RFX7: variants seen among roughly 807,000 people sequenced by gnomAD.
RFX7 encodes the protein regulatory factor X7.
RFX7 carries 26 observed loss-of-function variants against 111.8 expected under a neutral mutation model. The observed-to-expected ratio is 0.23, with a 90% CI of 0.17 to 0.32. The LOEUF is 0.32. Among genes scored for constraint, RFX7 ranks in the 10% least tolerant of loss-of-function variants. RFX7 has a pLI of 1.00. For missense variants in RFX7, 1,573 were observed against 1,772.9 expected, an observed-to-expected ratio of 0.89 and a Z score of 2.02; for synonymous variants, 624 against 624.4, an observed-to-expected ratio of 1.00 and a Z score of 0.01.
At chr15:56,131,439 TG>T (rs1198866913) in intron 5 of RFX7, among the ~76,000 whole-genome samples, 4 of 152,054 alleles carry the variant, frequency 2.6e-5, no homozygotes, top group African/African-American at 7.2e-5. Context: ...GCTAATTTTT[TG>T]TAGAGACAGG....
intron 3 of RFX7, among the ~76,000 whole-genome samples, chr15:56,152,359 G>C (rs1456431988): frequency 1.3e-5 from 2 of 152,178 alleles, no homozygotes; most frequent in African/African-American, 4.8e-5. Flanking sequence ...TAGTCTCCCA[G>C]ACCACAGTGC....
chr15:56,099,811 C>G (rs1383669579), intron 8 of RFX7, among the ~76,000 whole-genome samples: 6 of 152,102 alleles, frequency 3.9e-5, no homozygotes, highest in African/African-American at 1.2e-4. Context: ...AATGGAGTGT[C>G]TTTTTAATAT....
chr15:56,135,521 T>G (rs1490157039), intron 5 of RFX7, among the ~76,000 whole-genome samples: 5 of 151,890 alleles, frequency 3.3e-5, no homozygotes, highest in Admixed American at 2.0e-4. Context: ...ATTAGCCCTT[T>G]GTCAGATGAG....
At chr15:56,240,561 CTATATT>C (rs2043677696) in intron 2 of RFX7, among the ~76,000 whole-genome samples, 1 of 152,036 alleles carries the variant, frequency 6.6e-6, no homozygotes, top group Non-Finnish European at 1.5e-5. Flanking sequence ...ACATCACATA[CTATATT>C]TATATTTGTA....
intron 2 of RFX7, among the ~76,000 whole-genome samples, chr15:56,202,715 G>A (rs977312964): frequency 6.6e-6 from 1 of 152,226 alleles, no homozygotes; most frequent in Admixed American, 6.5e-5. Context: ...GGGATGCTGA[G>A]ACAGGAGGAT....
intron 5 of RFX7, among the ~76,000 whole-genome samples, chr15:56,105,322 T>G (rs1286054388): frequency 6.6e-6 from 1 of 152,230 alleles, no homozygotes; most frequent in Non-Finnish European, 1.5e-5. Context: ...TTAATTTATT[T>G]GTCTTCTTCA....
chr15:56,165,056 T>A, intron 3 of RFX7, among the ~76,000 whole-genome samples: 1 of 152,188 alleles, frequency 6.6e-6, no homozygotes, highest in East Asian at 1.9e-4. Flanking sequence ...AGGCATTAGT[T>A]AGATTTTCAT....
chr15:56,191,452 C>T (rs1473363714), intron 2 of RFX7, among the ~76,000 whole-genome samples: 1 of 152,078 alleles, frequency 6.6e-6, no homozygotes, highest in Non-Finnish European at 1.5e-5. Flanking sequence ...AAGATATGCA[C>T]AAAAATACAC....
chr15:56,149,062 GAC>G (rs2042528103), intron 3 of RFX7, among the ~76,000 whole-genome samples: 1 of 140,218 alleles, frequency 7.1e-6, no homozygotes, highest in Non-Finnish European at 1.5e-5. Context: ...CAGCCTCAGC[GAC>G]AGAGCGAGAC....
chr15:56,206,741 T>C (rs1016960832), intron 2 of RFX7, among the ~76,000 whole-genome samples: 23 of 147,862 alleles, frequency 1.6e-4, no homozygotes, highest in Admixed American at 1.0e-3. Context: ...AAATAAGCCA[T>C]GTACAGAAAA....
chr15:56,188,497 C>A (rs1276968855), intron 2 of RFX7, among the ~76,000 whole-genome samples: 2 of 151,910 alleles, frequency 1.3e-5, no homozygotes, highest in African/African-American at 4.8e-5. Flanking sequence ...TCAAAAGGAT[C>A]AAAAAACAAA....
intron 2 of RFX7, among the ~76,000 whole-genome samples, chr15:56,223,935 A>G (rs11637998): frequency 0.13 from 19,790 of 152,150 alleles, 1,693 homozygotes; most frequent in East Asian, 0.44. Context: ...TGCATGGTGG[A>G]CATTTTCTCA....
chr15:56,103,767 G>A (rs1281316365), intron 5 of RFX7, 97 bp from the exon 6 acceptor site: 2 of 714,760 alleles, frequency 2.8e-6, no homozygotes, highest in African/African-American at 3.6e-5. Flanking sequence ...ACAAAGTGAA[G>A]CAAAGGATCT....
At position 56,087,394 on chromosome 15, in the gene RFX7, G is replaced by A. The variant is rs900052218; in HGVS notation, c.*5951C>T. ...AAAGTCATCATGCCCTGGGCTCCTT[G>A]TATCTTGTTGCTCAATCATCCTCAG... On this transcript the variant is annotated 3_prime_UTR_variant, in exon 10 of 10. Coordinates refer to ENST00000559447, the MANE Select transcript of RFX7 (RefSeq NM_022841.7). 4 of 456,450 alleles carry A rather than the reference G, an allele frequency of 8.8e-6. No individual in the cohort carries two copies. The highest frequency in any genetic ancestry group is 1.8e-5 in the Non-Finnish European group (4 of 226,902). The allele number at this position is 456,450 out of a possible 1,614,324, so 28.3% of individuals were successfully genotyped here.
At position 56,104,551 on chromosome 15, in the gene RFX7, AAAC is replaced by A. The variant is rs1373375733; in HGVS notation, c.402-884_402-882del. Among the ~76,000 whole-genome samples the A allele has an allele frequency of 7.2e-5, 11 of 152,346 alleles. No homozygotes were observed. In the East Asian group the frequency reaches 2.1e-3, roughly 29 times the overall value. On this transcript the variant is annotated intron_variant, in intron 5 of 9. Coordinates refer to ENST00000559447, the MANE Select transcript of RFX7 (RefSeq NM_022841.7). Reference sequence around the variant, plus strand: ...ATGAAGTCATGCAGAAAAGAAATGAAAACAACTGGAACACATGGTGGGCAGGGT... The same window carrying A: ...ATGAAGTCATGCAGAAAAGAAATGAAAACTGGAACACATGGTGGGCAGGGT...
chr15:56,107,269 C>CCTGGGCAG (rs1407999633), intron 5 of RFX7, among the ~76,000 whole-genome samples: 4 of 116,508 alleles, frequency 3.4e-5, no homozygotes, highest in African/African-American at 1.3e-4. Flanking sequence ...TGCACTCCAG[C>CCTGGGCAG]CTGGGCAGTA....
intron 2 of RFX7, among the ~76,000 whole-genome samples, chr15:56,217,667 C>G (rs958404125): frequency 6.6e-6 from 1 of 152,132 alleles, no homozygotes; most frequent in African/African-American, 2.4e-5. Context: ...AACTTGAGTA[C>G]TAGTTATGAA....
At chr15:56,132,160 T>G (rs1171546059) in intron 5 of RFX7, among the ~76,000 whole-genome samples, 2 of 152,078 alleles carry the variant, frequency 1.3e-5, no homozygotes, top group Non-Finnish European at 2.9e-5. Context: ...TCTAAAATTT[T>G]CAGTTAATGT....
chr15:56,186,363 T>C (rs1290413866), intron 2 of RFX7, among the ~76,000 whole-genome samples: 3 of 152,204 alleles, frequency 2.0e-5, no homozygotes, highest in African/African-American at 7.2e-5. Context: ...TGAAAACCAC[T>C]ATGGGTCATT....
Sources: gnomAD v4.1 joint callset for allele counts (sites outside exome capture counted in the v4.1 genomes callset) on GRCh38, gnomAD v4.1.1 for gene constraint, MANE v1.5 for transcripts, NCBI Gene and HGNC (gene_info 2026-07-23, HGNC 2026-07-21) for gene names.